NEDD4L: variants seen among roughly 807,000 people sequenced by gnomAD.
NEDD4L encodes the protein E3 ubiquitin-protein ligase NEDD4-like.
In NEDD4L, 54 loss-of-function variants were observed where a neutral mutation model predicts 148.9. The observed-to-expected ratio is 0.36, with a 90% CI of 0.29 to 0.45. NEDD4L has a LOEUF of 0.45. NEDD4L is among the 20% of genes least tolerant of loss of function. The pLI is 1.00. For synonymous variants in NEDD4L, 433 were observed against 440.7 expected (o/e 0.98, Z 0.22); for missense variants, 856 against 1,233.8 (o/e 0.69, Z 4.59).
In NEDD4L at chr18:58,155,315, A is replaced by T. The variant is rs906906389; in HGVS notation, c.49-10473A>T. On this transcript the variant is annotated intron_variant, in intron 1 of 30. Coordinates refer to ENST00000400345, the MANE Select transcript of NEDD4L (RefSeq NM_001144967.3). ...ATTTGACTTTGATAGTTTTAAGTTT[A>T]AAAAAAAAAAAAAACGCTCCAAGTT... Among the ~76,000 whole-genome samples, 20 of 97,900 alleles carry T rather than the reference A, an allele frequency of 2.0e-4. No homozygotes were observed. In the East Asian group the frequency reaches 5.0e-3, roughly 24 times the overall value. 64.2% of individuals were successfully genotyped at this position (97,900 alleles called of 152,430 possible). A position where few individuals can be genotyped will look rare whatever the true frequency, so the allele number is the denominator to read the frequency against.
At chr18:58,201,332 C>CA (rs371874344) in intron 2 of NEDD4L, among the ~76,000 whole-genome samples, 4,500 of 137,680 alleles carry the variant, frequency 0.033, 233 homozygotes, top group African/African-American at 0.11. Flanking sequence ...GATCCTGTCT[C>CA]AAAAAAAAAA....
intron 23 of NEDD4L, 68 bp from the exon 24 acceptor site, chr18:58,373,106 A>G (rs2047112473): frequency 3.7e-6 from 3 of 809,740 alleles, no homozygotes; most frequent in Non-Finnish European, 6.4e-6. Context: ...GAATGTAATT[A>G]AAGAAGTCAA....
chr18:58,359,015 ATG>A (rs1568838340), intron 19 of NEDD4L, among the ~76,000 whole-genome samples: 2 of 152,142 alleles, frequency 1.3e-5, no homozygotes, highest in East Asian at 1.9e-4. Flanking sequence ...TTTAAAAAGA[ATG>A]TGTATTGTGT....
chr18:58,274,036 C>T (rs1198364675), intron 5 of NEDD4L, among the ~76,000 whole-genome samples: 1 of 152,204 alleles, frequency 6.6e-6, no homozygotes, highest in African/African-American at 2.4e-5. Context: ...AAAGGACCGG[C>T]AGCTTCCACT....
chr18:58,132,015 G>T (rs1390412987), intron 1 of NEDD4L, among the ~76,000 whole-genome samples: 3 of 152,290 alleles, frequency 2.0e-5, no homozygotes, highest in Admixed American at 6.5e-5. Flanking sequence ...GCTCCTCTCT[G>T]CTAGTGCATT....
intron 1 of NEDD4L, among the ~76,000 whole-genome samples, chr18:58,091,989 G>C (rs539349473): frequency 1.3e-5 from 2 of 152,318 alleles, no homozygotes; most frequent in African/African-American, 4.8e-5. Flanking sequence ...ATGTCACATT[G>C]AGCCATTAAG....
chr18:58,151,936 A>T lies in NEDD4L; in HGVS notation c.49-13852A>T, dbSNP rs76733219. On this transcript the variant is annotated intron_variant, in intron 1 of 30. Transcript: ENST00000400345. ...GCAGGTAGTAGGGCAGTATGAGTGT[A>T]TTATTCATATATGTGTGATGAAATG... 8.6e-3 allele frequency among the ~76,000 whole-genome samples: 1,316 copies of T among 152,140 alleles called. 26 individuals carry two copies. Among genetic ancestry groups the T allele is most frequent in the African/African-American group, 0.03 (1,249 of 41,500 alleles).
At chr18:58,347,381 T>G (rs2043237060) in intron 16 of NEDD4L, among the ~76,000 whole-genome samples, 1 of 152,070 alleles carries the variant, frequency 6.6e-6, no homozygotes, top group African/African-American at 2.4e-5. Flanking sequence ...TCTGGCATGG[T>G]CATAGGCTAG....
intron 1 of NEDD4L, among the ~76,000 whole-genome samples, chr18:58,051,800 C>G (rs576114414): frequency 3.3e-5 from 5 of 152,072 alleles, no homozygotes; most frequent in African/African-American, 1.2e-4. Flanking sequence ...GTAGTCCATG[C>G]TAAGGAGGAT....
intron 1 of NEDD4L, among the ~76,000 whole-genome samples, chr18:58,050,691 G>A (rs1448279695): frequency 6.6e-6 from 1 of 152,174 alleles, no homozygotes; most frequent in Non-Finnish European, 1.5e-5. Flanking sequence ...AACCTGGGAG[G>A]CAGAGGTTGC....
chr18:58,335,601 T>TCTGGGAGGTG, intron 13 of NEDD4L, 64 bp downstream of exon 13: 1 of 1,173,446 alleles, frequency 8.5e-7, no homozygotes, highest in Non-Finnish European at 1.3e-6. Context: ...ATATTTCGTG[T>TCTGGGAGGTG]AGTGGTGAAT....
At chr18:58,124,622 C>G (rs536517954) in intron 1 of NEDD4L, among the ~76,000 whole-genome samples, 1 of 152,338 alleles carries the variant, frequency 6.6e-6, no homozygotes, top group African/African-American at 2.4e-5. Context: ...AGATGATTCT[C>G]AACCTTAACG....
At chr18:58,263,152 G>A (rs1230171516) in intron 5 of NEDD4L, among the ~76,000 whole-genome samples, 1 of 152,104 alleles carries the variant, frequency 6.6e-6, no homozygotes, top group African/African-American at 2.4e-5. Flanking sequence ...CTTTGTATTG[G>A]TTCCCTTAAG....
At chr18:58,123,018 C>T (rs892120544) in intron 1 of NEDD4L, among the ~76,000 whole-genome samples, 2 of 152,196 alleles carry the variant, frequency 1.3e-5, no homozygotes, top group Non-Finnish European at 2.9e-5. Context: ...CAGGTGTGAG[C>T]CACTGCACCT....
At chr18:58,359,333 T>C (rs895811195) in intron 19 of NEDD4L, among the ~76,000 whole-genome samples, 2 of 152,240 alleles carry the variant, frequency 1.3e-5, no homozygotes, top group African/African-American at 4.8e-5. Flanking sequence ...CTGTACTTTC[T>C]ATTTGTATTC....
In NEDD4L at chr18:58,331,076, A is replaced by G. The variant is rs2304022; in HGVS notation, c.990+162A>G. Among the ~76,000 whole-genome samples, 33 of 152,344 alleles carry G rather than the reference A, an allele frequency of 2.2e-4. 1 individual carries two copies. The East Asian group carries it at 6.4e-3, about 29-fold the overall frequency. The stretch of plus-strand genomic sequence containing the variant: ...CCTTCCCTAGGAGAAGCAGGACTGT[A>G]CTAAAATTAGCCCAAGCAGGTGAGA... On this transcript the variant is annotated intron_variant, in intron 11 of 30. Coordinates refer to ENST00000400345, the MANE Select transcript of NEDD4L (RefSeq NM_001144967.3).
intron 1 of NEDD4L, among the ~76,000 whole-genome samples, chr18:58,139,488 C>T (rs1479290739): frequency 6.6e-6 from 1 of 152,066 alleles, no homozygotes; most frequent in Non-Finnish European, 1.5e-5. Flanking sequence ...TATCAACATT[C>T]TATCAACTCT....
chr18:58,343,237 G>A, intron 16 of NEDD4L, 134 bp downstream of exon 16: 1 of 365,598 alleles, frequency 2.7e-6, no homozygotes. Flanking sequence ...GGTCTCCTCA[G>A]CCTGCATCTG....
At chr18:58,202,973 T>C (rs940607672) in intron 2 of NEDD4L, among the ~76,000 whole-genome samples, 2 of 137,840 alleles carry the variant, frequency 1.5e-5, no homozygotes, top group Non-Finnish European at 3.1e-5. Context: ...CAGTACATAC[T>C]TTTTTTTTTT....
Sources: allele counts gnomAD v4.1 joint callset (sites outside exome capture counted in the v4.1 genomes callset), GRCh38; gene constraint gnomAD v4.1.1; transcripts MANE v1.5; gene names NCBI Gene and HGNC (gene_info 2026-07-23, HGNC 2026-07-21).